PIGN: variants seen among roughly 807,000 people sequenced by gnomAD.
PIGN encodes the protein GPI ethanolamine phosphate transferase 1.
Under a neutral mutation model 125.4 loss-of-function variants are expected in PIGN, and 117 were observed. The ratio of observed to expected loss-of-function variants is 0.93; its 90% confidence interval spans 0.80 to 1.09. The LOEUF is 1.09. Among genes scored for constraint, PIGN ranks in the 50% least tolerant of loss-of-function variants. PIGN has a pLI of 0.00. For synonymous variants in PIGN, 392 were observed against 377.8 expected, an observed-to-expected ratio of 1.04 and a Z score of -0.44; for missense variants, 1,075 against 1,094.9, an observed-to-expected ratio of 0.98 and a Z score of 0.26.
At chr18:62,091,204 C>T (rs569905307) in intron 23 of PIGN, among the ~76,000 whole-genome samples, 10 of 151,970 alleles carry the variant, frequency 6.6e-5, no homozygotes, top group African/African-American at 2.2e-4. Flanking sequence ...AAAAATTAGC[C>T]GGGTGTGGTG....
rs1041085606 is a variant in PIGN, at chr18:62,046,040, T to C, written c.2673-61A>G. On this transcript the variant is annotated intron_variant, in intron 30 of 30. Coordinates refer to ENST00000640252, the MANE Select transcript of PIGN (RefSeq NM_176787.5). ...AACACAGGTGAGGAAAATCATGAGA[T>C]TCCTCTGAATGGTTTTAAATGGACA... The C allele has an allele frequency of 2.6e-6, 4 of 1,529,864 alleles. No homozygotes were observed. The African/African-American group carries it at 4.1e-5, about 16-fold the overall frequency. The allele number at this position is 1,529,864 out of a possible 1,614,324, so 94.8% of individuals were successfully genotyped here. A position where few individuals can be genotyped will look rare whatever the true frequency, so the allele number is the denominator to read the frequency against.
chr18:62,070,265 C>T (rs893515172), intron 30 of PIGN: 34 of 395,188 alleles, frequency 8.6e-5, no homozygotes, highest in Middle Eastern at 6.3e-4. Flanking sequence ...GGCCACTATC[C>T]GCCTGGACAC....
At chr18:62,021,108 A>C (rs557696647) in intron 23 of PIGN, among the ~76,000 whole-genome samples, 2 of 152,326 alleles carry the variant, frequency 1.3e-5, no homozygotes, top group South Asian at 4.1e-4. Flanking sequence ...TTTAAAAATA[A>C]ACATACACCT....
intron 30 of PIGN, among the ~76,000 whole-genome samples, chr18:62,046,987 T>C (rs1424851081): frequency 6.6e-6 from 1 of 152,160 alleles, no homozygotes; most frequent in East Asian, 1.9e-4. Context: ...AACCTGGAAA[T>C]GCCACTGGGC....
At position 62,102,256 on chromosome 18, in the gene PIGN, C is replaced by A. The variant is rs184850045; in HGVS notation, c.1968+538G>T. Among the ~76,000 whole-genome samples the A allele has an allele frequency of 1.2e-3, 184 of 147,766 alleles. 1 individual carries two copies. Among genetic ancestry groups the A allele is most frequent in the African/African-American group, 3.8e-3 (150 of 39,934 alleles). On this transcript the variant is annotated intron_variant, in intron 21 of 30. Coordinates refer to ENST00000640252, the MANE Select transcript of PIGN (RefSeq NM_176787.5). ...AAAACACATACAAAAAACAAAAAAA[C>A]CACACAAACTGAAATCAAATTACTA...
intron 23 of PIGN, among the ~76,000 whole-genome samples, chr18:62,093,183 GA>G (rs2034041460): frequency 6.6e-6 from 1 of 151,998 alleles, no homozygotes; most frequent in African/African-American, 2.4e-5. Context: ...AGTTATATAT[GA>G]AGTTACTGTT....
Position 62,086,835 on chromosome 18 carries a change from T to C in PIGN, c.2371-1571A>G, listed in dbSNP as rs140305834. ...TGAACTGATGCAGTGGGAATGAAGA[T>C]CTAGAGTGAAGGGAGCCACAGGGAC... On this transcript the variant is annotated intron_variant, in intron 25 of 30. Transcript: ENST00000640252. 9.6e-4 allele frequency among the ~76,000 whole-genome samples: 146 copies of C among 152,126 alleles called. 1 individual carries two copies. Among genetic ancestry groups the C allele is most frequent in the African/African-American group, 3.4e-3 (142 of 41,494 alleles).
rs2030426049 is a variant in PIGN, at chr18:62,042,769, C to T, written c.*3087G>A. On this transcript the variant is annotated 3_prime_UTR_variant, in exon 31 of 31. Transcript: ENST00000640252. ...CCATCAAAAAATATTTTAAAATTAG[C>T]TAGGTGTGGGGGCATGTGCCTGTAG... 1 of 151,380 alleles carries T rather than the reference C, an allele frequency of 6.6e-6. No homozygotes were observed. The highest frequency in any genetic ancestry group is 2.4e-5 in the African/African-American group (1 of 41,122). The allele number at this position is 151,380 out of a possible 1,614,324, so 9.4% of individuals were successfully genotyped here. A position where few individuals can be genotyped will look rare whatever the true frequency, so the allele number is the denominator to read the frequency against.
rs369093643 is a variant in PIGN, at chr18:62,106,889, T to C, written c.1675-8A>G. On this transcript the variant is annotated splice_region_variant and splice_polypyrimidine_tract_variant and intron_variant, in intron 18 of 30. Coordinates refer to ENST00000640252, the MANE Select transcript of PIGN (RefSeq NM_176787.5). ...GTAGAAAAAACTGAGAACCTAGTAA[T>C]GCATTCCAAAGAAGGAATGAAAAAT... The C allele has an allele frequency of 5.2e-5, 83 of 1,599,668 alleles. No individual in the cohort carries two copies. Among genetic ancestry groups the C allele is most frequent in the Non-Finnish European group, 6.7e-5 (79 of 1,171,436 alleles).
chr18:62,158,438 T>C (rs2036819525), intron 4 of PIGN, among the ~76,000 whole-genome samples: 1 of 152,062 alleles, frequency 6.6e-6, no homozygotes, highest in South Asian at 2.1e-4. Flanking sequence ...GGAAAATGGC[T>C]ACACTCCTAA....
intron 8 of PIGN, among the ~76,000 whole-genome samples, chr18:62,147,874 A>C (rs1402633674): frequency 6.6e-6 from 1 of 152,164 alleles, no homozygotes; most frequent in Non-Finnish European, 1.5e-5. Flanking sequence ...GGTGATATAA[A>C]AGTTAATACC....
intron 3 of PIGN, among the ~76,000 whole-genome samples, chr18:62,161,650 T>A (rs2036957529): frequency 6.6e-6 from 1 of 152,100 alleles, no homozygotes; most frequent in Non-Finnish European, 1.5e-5. Context: ...TATAATGAAT[T>A]TAACTGCATA....
intron 18 of PIGN, 43 bp from the exon 19 acceptor site, chr18:62,106,924 T>G (rs1306467763): frequency 6.5e-7 from 1 of 1,542,402 alleles, no homozygotes; most frequent in Non-Finnish European, 8.8e-7. Context: ...TAAGGTCATT[T>G]AATACTAGTT....
At chr18:62,146,848 A>G in intron 9 of PIGN, 123 bp downstream of exon 9, 1 of 905,858 alleles carries the variant, frequency 1.1e-6, no homozygotes, top group Non-Finnish European at 1.5e-6. Flanking sequence ...TAAGCACAGA[A>G]TTATGTGCTA....
chr18:62,121,848 C>A (rs951916256), intron 14 of PIGN, among the ~76,000 whole-genome samples: 1 of 152,136 alleles, frequency 6.6e-6, no homozygotes, highest in Non-Finnish European at 1.5e-5. Flanking sequence ...CAGATTATCT[C>A]TTCAATATAT....
chr18:62,083,588 A>G (rs570405112), intron 27 of PIGN, among the ~76,000 whole-genome samples: 5 of 152,286 alleles, frequency 3.3e-5, no homozygotes, highest in African/African-American at 1.2e-4. Context: ...GGAGATTAAG[A>G]ACCTAGCATT....
intron 1 of PIGN, among the ~76,000 whole-genome samples, chr18:62,180,238 T>C (rs1599703954): frequency 6.6e-6 from 1 of 152,354 alleles, no homozygotes; most frequent in Non-Finnish European, 1.5e-5. Flanking sequence ...CACAAAGTAC[T>C]TCAGAAGTAG....
chr18:62,132,948 T>C (rs1190313281), intron 14 of PIGN, among the ~76,000 whole-genome samples: 2 of 152,180 alleles, frequency 1.3e-5, no homozygotes, highest in African/African-American at 4.8e-5. Flanking sequence ...CATATACAGA[T>C]TGTCCCAAAC....
intron 1 of PIGN, among the ~76,000 whole-genome samples, chr18:62,171,738 A>G (rs1205204321): frequency 6.6e-6 from 1 of 152,188 alleles, no homozygotes; most frequent in Non-Finnish European, 1.5e-5. Context: ...AATGTGGTGA[A>G]TTAATATTTT....
Sources: allele counts gnomAD v4.1 joint callset (sites outside exome capture counted in the v4.1 genomes callset), GRCh38; gene constraint gnomAD v4.1.1; transcripts MANE v1.5; gene names NCBI Gene and HGNC (gene_info 2026-07-23, HGNC 2026-07-21).